Variants in GPRASP3 observed in about 807,000 individuals in gnomAD.
GPRASP3 encodes the protein G protein-coupled receptor associated sorting protein family member 3, also known as G protein-coupled receptor associated sorting protein 3.
At chrX:102,752,464 T>C in the GPRASP3 span, 2 of 123,663 alleles carry the variant, frequency 1.6e-5, no homozygotes, top group South Asian at 3.7e-4. Flanking sequence ...TTAATATTTT[T>C]CCCATGTTAA....
chrX:102,750,694 A>G, the GPRASP3 span: 151 of 996,118 alleles, frequency 1.5e-4, no homozygotes, highest in Non-Finnish European at 2.0e-4. Flanking sequence ...CAGGCTGTAC[A>G]TTACAGTGTA....
At chrX:102,750,050 A>G in the GPRASP3 span, 169 of 1,200,521 alleles carry the variant, frequency 1.4e-4, no homozygotes, top group Admixed American at 7.9e-4. Flanking sequence ...GGTGTCCATA[A>G]TGTTCACCCA....
At chrX:102,745,936 G>A in the GPRASP3 span, 1 of 111,333 alleles carries the variant, frequency 9.0e-6, no homozygotes, top group African/African-American at 3.3e-5. Context: ...TGAGAGGGGG[G>A]CGTCGAGCAC....
chrX:102,728,512 C>G, the GPRASP3 span, among the ~76,000 whole-genome samples: 1 of 108,189 alleles, frequency 9.2e-6, no homozygotes, highest in Non-Finnish European at 1.9e-5. Context: ...CCAGGGCAAC[C>G]TAATTCCCAG....
the GPRASP3 span, chrX:102,748,778 T>A: frequency 5.8e-6 from 2 of 346,027 alleles, no homozygotes; most frequent in East Asian, 9.0e-5. Context: ...TTGGGAACAA[T>A]CATTCTCCCC....
chrX:102,741,770 A>C, the GPRASP3 span, among the ~76,000 whole-genome samples: 2 of 112,174 alleles, frequency 1.8e-5, no homozygotes, highest in Non-Finnish European at 3.8e-5. Context: ...AAAACAAAAC[A>C]AAACCCCTTA....
At chrX:102,747,540 C>G in the GPRASP3 span, 11 of 111,701 alleles carry the variant, frequency 9.8e-5, no homozygotes. Flanking sequence ...GTACAATTGC[C>G]TATGTTCCAC....
chrX:102,738,797 G>T, the GPRASP3 span, among the ~76,000 whole-genome samples: 2 of 111,985 alleles, frequency 1.8e-5, no homozygotes, highest in South Asian at 3.8e-4. Flanking sequence ...AGTTAATTTA[G>T]AAAGTTTATT....
At chrX:102,746,415 C>T in the GPRASP3 span, among the ~76,000 whole-genome samples, 2 of 112,816 alleles carry the variant, frequency 1.8e-5, no homozygotes, top group African/African-American at 6.4e-5. Flanking sequence ...AGGAGAACCG[C>T]GCTGACCGCC....
the GPRASP3 span, chrX:102,749,947 T>C: frequency 6.7e-3 from 8,076 of 1,207,457 alleles, 13 homozygotes; most frequent in Non-Finnish European, 8.0e-3. Flanking sequence ...CAAAATGGAA[T>C]GCTATATGGA....
chrX:102,732,427 A>G, the GPRASP3 span, among the ~76,000 whole-genome samples: 1 of 111,516 alleles, frequency 9.0e-6, no homozygotes. Context: ...TATTGAGAGG[A>G]TGATATCCCT....
chrX:102,723,478 A>G, the GPRASP3 span, among the ~76,000 whole-genome samples: 2 of 111,593 alleles, frequency 1.8e-5, no homozygotes, highest in Non-Finnish European at 3.8e-5. Context: ...TGATAATATA[A>G]GTACTGGGGC....
chrX:102,729,641 G>T, the GPRASP3 span, among the ~76,000 whole-genome samples: 1 of 112,164 alleles, frequency 8.9e-6, no homozygotes. Context: ...AGGCTGAGGT[G>T]GGTAGATCAC....
At chrX:102,734,133 C>T in the GPRASP3 span, among the ~76,000 whole-genome samples, 168 of 111,428 alleles carry the variant, frequency 1.5e-3, 1 homozygote, top group African/African-American at 5.0e-3. Flanking sequence ...AAGAACAGGC[C>T]ATTTTCACTT....
At chrX:102,748,885 C>A in the GPRASP3 span, 1 of 802,423 alleles carries the variant, frequency 1.2e-6, no homozygotes. Context: ...GACTCTAATT[C>A]TTGCTACCAA....
chrX:102,748,847 G>A, the GPRASP3 span: 1 of 564,572 alleles, frequency 1.8e-6, no homozygotes, highest in Non-Finnish European at 2.8e-6. Context: ...TTTGGAAAGA[G>A]AACTTTGTGA....
chrX:102,747,374 T>C, the GPRASP3 span, among the ~76,000 whole-genome samples: 1 of 111,783 alleles, frequency 8.9e-6, no homozygotes, highest in Non-Finnish European at 1.9e-5. Context: ...TCTTCTTTGG[T>C]GGGAAGGATA....
chrX:102,731,596 G>A, the GPRASP3 span, among the ~76,000 whole-genome samples: 1 of 109,101 alleles, frequency 9.2e-6, no homozygotes, highest in African/African-American at 3.4e-5. Context: ...CGCCACTCCA[G>A]CCTGGGCAAC....
chrX:102,734,901 A>G, the GPRASP3 span, among the ~76,000 whole-genome samples: 4 of 112,080 alleles, frequency 3.6e-5, no homozygotes, highest in African/African-American at 1.3e-4. Context: ...AAATAAGCCA[A>G]CTATGTCATT....
Sources: allele counts gnomAD v4.1 joint callset (sites outside exome capture counted in the v4.1 genomes callset), GRCh38; gene constraint gnomAD v4.1.1; transcripts MANE v1.5; gene names NCBI Gene and HGNC (gene_info 2026-07-23, HGNC 2026-07-21).